Variants in HEPH observed in about 807,000 individuals in gnomAD.
HEPH encodes hephaestin.
A neutral mutation model predicts 80.8 loss-of-function variants in HEPH; 69 were observed. The observed-to-expected ratio is 0.85, with a 90% CI of 0.70 to 1.04. The LOEUF (loss-of-function observed/expected upper bound fraction) is 1.04. HEPH is among the 50% of genes least tolerant of loss of function. The pLI is 0.00. For synonymous variants in HEPH, 431 were observed against 322.8 expected (o/e 1.34, Z -3.60); for missense variants, 1,115 against 891.3 (o/e 1.25, Z -3.20).
At chrX:66,176,102 A>G (rs1282605292) in intron 4 of HEPH, among the ~76,000 whole-genome samples, 2 of 111,579 alleles carry the variant, frequency 1.8e-5, no homozygotes, top group Non-Finnish European at 3.8e-5. Context: ...CAGTTCTCAA[A>G]GGGAATGCTT....
intron 7 of HEPH, 134 bp downstream of exon 7, chrX:66,192,432 C>A: frequency 1.5e-6 from 1 of 688,556 alleles, no homozygotes; most frequent in South Asian, 3.3e-5. Flanking sequence ...CATGAACCAA[C>A]TGTTAGCCAA....
chrX:66,200,859 G>T (rs192456655), intron 12 of HEPH, 107 bp downstream of exon 12: 21 of 577,408 alleles, frequency 3.6e-5, no homozygotes, highest in Admixed American at 7.8e-5. Flanking sequence ...CATGTTAAGG[G>T]TTCTAGGAAG....
intron 15 of HEPH, among the ~76,000 whole-genome samples, chrX:66,245,011 A>C (rs1044166426): frequency 5.4e-5 from 6 of 111,115 alleles, no homozygotes; most frequent in Non-Finnish European, 5.7e-5. Context: ...TTTATGTGAA[A>C]AATAGGCCAA....
intron 15 of HEPH, among the ~76,000 whole-genome samples, chrX:66,226,924 AATC>A (rs1252940146): frequency 1.8e-5 from 2 of 111,844 alleles, no homozygotes; most frequent in Non-Finnish European, 3.8e-5. Flanking sequence ...ATCCTCCTCA[AATC>A]ATTTTATGAA....
chrX:66,264,914 T>C (rs5919026), intron 20 of HEPH, among the ~76,000 whole-genome samples: 65,222 of 105,940 alleles, frequency 0.62, 18,045 homozygotes, highest in East Asian at 1. Flanking sequence ...TATTTGTATA[T>C]ATACATACAT....
In HEPH at chrX:66,201,104, C is replaced by G. The variant is rs1169074294; in HGVS notation, c.2077+352C>G. 2.7e-5 allele frequency among the ~76,000 whole-genome samples: 3 copies of G among 110,780 alleles called. No individual in the cohort carries two copies. The East Asian group carries it at 8.6e-4, about 32-fold the overall frequency. ...ACAGTACTTTTATTGGGAGGAAGGT[C>G]AATAAAATGCACTTATAAGTGCTAT... is the stretch of plus-strand genomic sequence containing the variant. On this transcript the variant is annotated intron_variant, in intron 12 of 20. Coordinates refer to ENST00000343002, the MANE Select transcript of HEPH (RefSeq NM_001367233.3).
intron 15 of HEPH, among the ~76,000 whole-genome samples, 198 bp downstream of exon 15, chrX:66,208,444 C>G (rs748899347): frequency 8.0e-4 from 85 of 106,583 alleles, no homozygotes; most frequent in Middle Eastern, 4.8e-3. Flanking sequence ...CATGGTGAAC[C>G]CTCATCTCTA....
intron 15 of HEPH, among the ~76,000 whole-genome samples, chrX:66,211,055 G>T (rs1227796524): frequency 9.0e-6 from 1 of 111,353 alleles, no homozygotes; most frequent in Admixed American, 9.6e-5. Flanking sequence ...AGAGACACCT[G>T]GGATAGCATA....
intron 6 of HEPH, among the ~76,000 whole-genome samples, chrX:66,190,477 C>A (rs1042840405): frequency 9.0e-6 from 1 of 110,999 alleles, no homozygotes; most frequent in Non-Finnish European, 1.9e-5. Flanking sequence ...GGAGGAAGAG[C>A]GTATGAAGCA....
chrX:66,233,632 G>A (rs1051879432), intron 15 of HEPH, among the ~76,000 whole-genome samples: 14 of 110,249 alleles, frequency 1.3e-4, no homozygotes, highest in African/African-American at 4.3e-4. Flanking sequence ...AAGTAACTCA[G>A]TGAAGAAAAT....
intron 15 of HEPH, among the ~76,000 whole-genome samples, chrX:66,215,377 C>T (rs997538519): frequency 9.0e-6 from 1 of 110,861 alleles, no homozygotes; most frequent in Non-Finnish European, 1.9e-5. Context: ...TTATTCCTTT[C>T]CATTTCCATA....
Position 66,164,370 on chromosome X carries a change from C to T in HEPH, c.-114C>T. 2.7e-6 allele frequency: 2 copies of T among 753,953 alleles called. No homozygotes were observed. Among genetic ancestry groups the T allele is most frequent in the African/African-American group, 4.6e-5 (2 of 43,830 alleles). 62.1% of individuals were successfully genotyped at this position (753,953 alleles called of 1,213,427 possible). ...TAATTTAGGAGAAAGGCCCTGTAAC[C>T]AAGATACTGACTGAACATGGCTGGC... On this transcript the variant is annotated 5_prime_UTR_variant, in exon 1 of 21. Transcript: ENST00000343002.
At chrX:66,227,419 T>A (rs1444929981) in intron 15 of HEPH, among the ~76,000 whole-genome samples, 2 of 110,755 alleles carry the variant, frequency 1.8e-5, no homozygotes, top group Non-Finnish European at 3.8e-5. Context: ...ATTCAACATA[T>A]TACTGGAAAT....
At chrX:66,250,462 G>A (rs1365966146) in intron 15 of HEPH, among the ~76,000 whole-genome samples, 4 of 111,166 alleles carry the variant, frequency 3.6e-5, no homozygotes, top group East Asian at 2.8e-4. Flanking sequence ...GAATAGATTA[G>A]TATAATCACC....
rs750360126 is a variant in HEPH at position 66,266,464 on chromosome X, A to C, written c.3269A>C (p.Glu1090Ala). 17 of 1,208,526 alleles carry C rather than the reference A, an allele frequency of 1.4e-5. No homozygotes were observed. Among genetic ancestry groups the C allele is most frequent in the Admixed American group, 4.4e-5 (2 of 45,796 alleles). ...EKAVPPRDIE[E>A]GNVKMLGMQI... ...GCAGTGCCCCCCAGAGACATTGAAGAAGGCAATGTGAAGATGCTGGGCATG... is the reference window on the plus strand; with the variant it reads ...GCAGTGCCCCCCAGAGACATTGAAGCAGGCAATGTGAAGATGCTGGGCATG... Residue 1090 changes from glutamate to alanine, a missense_variant, in exon 21 of 21, where the codon GAA becomes GCA. This residue lies in a region of HEPH where 716 missense variants were observed against 523.5 expected (regional missense o/e 1.37). Coordinates refer to ENST00000343002, the MANE Select transcript of HEPH (RefSeq NM_001367233.3).
At chrX:66,178,750 G>T (rs1184641476) in intron 4 of HEPH, among the ~76,000 whole-genome samples, 1 of 112,145 alleles carries the variant, frequency 8.9e-6, no homozygotes, top group South Asian at 3.7e-4. Context: ...CTTCTTTTGA[G>T]AAGTGTCTGT....
intron 3 of HEPH, 24 bp downstream of exon 3, chrX:66,172,623 C>T: frequency 9.0e-7 from 1 of 1,106,847 alleles, no homozygotes; most frequent in Non-Finnish European, 1.2e-6. Flanking sequence ...CCGTTTCTTT[C>T]CCCCATGCCC....
chrX:66,171,584 C>T (rs1277519464), intron 2 of HEPH, among the ~76,000 whole-genome samples: 1 of 111,691 alleles, frequency 9.0e-6, no homozygotes, highest in Non-Finnish European at 1.9e-5. Context: ...ATTGTAATAT[C>T]TCTGAGTTCT....
intron 4 of HEPH, among the ~76,000 whole-genome samples, chrX:66,184,546 A>G (rs1267598128): frequency 2.4e-5 from 1 of 41,198 alleles, no homozygotes; most frequent in Admixed American, 2.9e-4. Context: ...TTTGTTTTCT[A>G]TTGGCTTGGT....
Sources: allele counts gnomAD v4.1 joint callset (sites outside exome capture counted in the v4.1 genomes callset), GRCh38; gene constraint gnomAD v4.1.1; regional missense constraint gnomAD v4.1.1; transcripts MANE v1.5; gene names NCBI Gene and HGNC (gene_info 2026-07-23, HGNC 2026-07-21).